The following MIB2 variants were observed in gnomAD, a reference collection of about 807,000 sequenced individuals.
The protein encoded by MIB2 is MIB E3 ubiquitin protein ligase 2.
MIB2 carries 78 observed loss-of-function variants against 96.6 expected under a neutral mutation model. The ratio of observed to expected loss-of-function variants is 0.81; its 90% confidence interval spans 0.67 to 0.97. MIB2 has a LOEUF of 0.97. Ranked by LOEUF, MIB2 falls within the 50% of genes least tolerant of loss-of-function variation. The pLI is 0.00. For synonymous variants in MIB2, 820 were observed against 629.5 expected (o/e 1.30, Z -4.53); for missense variants, 1,543 against 1,424.0 (o/e 1.08, Z -1.35).
rs762944243 is a variant in MIB2 at position 1,627,114 on chromosome 1, G to T, written c.1281G>T (p.Lys427Asn). The change falls in exon 11 of 20, where the codon AAG becomes AAT. Residue 427 changes from lysine to asparagine, a missense_variant. Coordinates refer to ENST00000355826, the MANE Select transcript of MIB2 (RefSeq NM_001170687.4). The part of the protein sequence containing the change: ...SVALDKLRAQ[K>N]SDPEHPGRLV... Reference sequence around the variant, plus strand: ...CCCTGGACAAGCTTCGGGCCCAGAAGAGTGACCCAGAGCACCCGGGAAGGC... The same window carrying T: ...CCCTGGACAAGCTTCGGGCCCAGAATAGTGACCCAGAGCACCCGGGAAGGC... 3 of 1,600,032 alleles carry T rather than the reference G, an allele frequency of 1.9e-6. No individual in the cohort carries two copies. Among genetic ancestry groups the T allele is most frequent in the Non-Finnish European group, 2.6e-6 (3 of 1,173,806 alleles).
intron 2 of MIB2, 68 bp from the exon 3 acceptor site, chr1:1,623,363 G>A: frequency 5.1e-6 from 8 of 1,575,652 alleles, no homozygotes; most frequent in Non-Finnish European, 6.9e-6. Flanking sequence ...GTCCCATGGT[G>A]GCCTGAGAAT....
rs550323587 is a variant in MIB2, at chr1:1,627,826, G to A, written c.1677G>A (p.Leu559=). The A allele has an allele frequency of 3.1e-6, 5 of 1,593,120 alleles. No individual in the cohort carries two copies. In the African/African-American group the frequency reaches 4.3e-5, roughly 14 times the overall value. The change falls in exon 13 of 20, where the codon CTG becomes CTA. Residue 559 remains leucine, a synonymous_variant. Coordinates refer to ENST00000355826, the MANE Select transcript of MIB2 (RefSeq NM_001170687.4). The part of the protein sequence containing the change: ...ALCERGCDVN[L]PDAHSDTPLH... Reference sequence around the variant, plus strand: ...GTGAGCGCGGCTGTGACGTCAACCTGCCCGTGAGTGCTGCTCCCTGGCCTG... The same window carrying A: ...GTGAGCGCGGCTGTGACGTCAACCTACCCGTGAGTGCTGCTCCCTGGCCTG...
chr1:1,623,346 C>T lies in MIB2; in HGVS notation c.-22-85C>T, dbSNP rs757089952. 3.9e-5 allele frequency: 60 copies of T among 1,541,398 alleles called. 1 individual carries two copies. Among genetic ancestry groups the T allele is most frequent in the African/African-American group, 9.8e-5 (7 of 71,470 alleles). On this transcript the variant is annotated intron_variant, in intron 2 of 19. Transcript: ENST00000355826. ...GCTCTCCCGCGGAGCCCACTCTGAC[C>T]GGGAGTGTCCCATGGTGGCCTGAGA...
At position 1,625,370 on chromosome 1, in the gene MIB2, C is replaced by A; in HGVS notation, c.806C>A (p.Thr269Asn). The A allele has an allele frequency of 6.3e-7, 1 of 1,589,534 alleles. No homozygotes were observed. Among genetic ancestry groups the A allele is most frequent in the Non-Finnish European group, 8.6e-7 (1 of 1,168,764 alleles). Reference protein sequence around the residue: ...HGDKVKCLLDTDVLREMQEGH... With the variant: ...HGDKVKCLLDNDVLREMQEGH... The stretch of plus-strand genomic sequence containing the variant: ...GACAAGGTCAAGTGTCTGCTGGACA[C>A]TGATGTCCTGCGGGAGATGCAGGAA... Residue 269 changes from threonine to asparagine, a missense_variant, in exon 7 of 20, where the codon ACT becomes AAT. Transcript: ENST00000355826. The surrounding 1 kb of genome is among the most constrained non-coding windows in gnomAD (Gnocchi z 5.0).
At position 1,629,392 on chromosome 1, in the gene MIB2, C is replaced by A; in HGVS notation, c.2389C>A (p.Gln797Lys). The A allele has an allele frequency of 1.4e-6, 2 of 1,444,370 alleles. No individual in the cohort carries two copies. The highest frequency in any genetic ancestry group is 1.8e-6 in the Non-Finnish European group (2 of 1,111,840). 89.5% of individuals were successfully genotyped at this position (1,444,370 alleles called of 1,614,324 possible). A position where few individuals can be genotyped will look rare whatever the true frequency, so the allele number is the denominator to read the frequency against. Residue 797 changes from glutamine to lysine, a missense_variant, in exon 18 of 20, where the codon CAG becomes AAG. Coordinates refer to ENST00000355826, the MANE Select transcript of MIB2 (RefSeq NM_001170687.4). ...QGCAQRFRER[Q>K]AGGGAAPGPR... ...CGCCTCCTCCCCCTGCAGGGAGCGGCAGGCGGGCGGGGGCGCGGCCCCGGG... is the reference window on the plus strand; with the variant it reads ...CGCCTCCTCCCCCTGCAGGGAGCGGAAGGCGGGCGGGGGCGCGGCCCCGGG...
rs369434147 is a variant in MIB2, at chr1:1,627,409, C to T, written c.1488C>T (p.Asp496=). The change falls in exon 12 of 20, where the codon GAC becomes GAT. Residue 496 remains aspartate (D), a synonymous_variant. Transcript: ENST00000355826. The part of the protein sequence containing the change: ...QARAGVDLPD[D]EGNTALHYAA... ...GGGCGGGCGTGGACCTGCCGGACGA[C>T]GAGGGCAACACGGCACTGCACTACG... The T allele has an allele frequency of 3.9e-5, 63 of 1,612,714 alleles. No homozygotes were observed. Among genetic ancestry groups the T allele is most frequent in the African/African-American group, 9.3e-5 (7 of 74,904 alleles).
chr1:1,624,612 TCA>T lies in MIB2; in HGVS notation c.420-180_420-179del, dbSNP rs1644563839. 1.2e-5 allele frequency: 8 copies of T among 668,812 alleles called. No homozygotes were observed. The South Asian group carries it at 1.4e-4, about 11-fold the overall frequency. 41.4% of individuals were successfully genotyped at this position (668,812 alleles called of 1,614,324 possible). A position where few individuals can be genotyped will look rare whatever the true frequency, so the allele number is the denominator to read the frequency against. On this transcript the variant is annotated intron_variant, in intron 4 of 19. Transcript: ENST00000355826. ...GGCCCCTGAGCCCAGGGGCATTTCC[TCA>T]CAGCGTGTGGAGGATGCTGACCTGC... is the stretch of plus-strand genomic sequence containing the variant.
intron 11 of MIB2, 37 bp downstream of exon 11, chr1:1,627,244 C>T (rs769584087): frequency 6.2e-7 from 1 of 1,612,600 alleles, no homozygotes; most frequent in Non-Finnish European, 8.5e-7. Context: ...ACTGGCCAGT[C>T]TGAGAGTGAG....
At chr1:1,627,556 G>A (rs1186029325) in intron 12 of MIB2, 112 bp downstream of exon 12, 3 of 1,473,414 alleles carry the variant, frequency 2.0e-6, no homozygotes, top group Non-Finnish European at 2.7e-6. Context: ...GGTGAGGCCT[G>A]GGAGGGGCCC....
At position 1,627,150 on chromosome 1, in the gene MIB2, G is replaced by A. The variant is rs116614106; in HGVS notation, c.1317G>A (p.Glu439=). Residue 439 remains glutamate (E), a synonymous_variant, in exon 11 of 20, where the codon GAG becomes GAA. Transcript: ENST00000355826. ...DPEHPGRLVV[E]VALGNAARAL... is the part of the protein sequence containing the mutation. ...AGCACCCGGGAAGGCTGGTGGTGGAGGTGGCGCTGGGTAACGCAGCCCGGG... is the reference window on the plus strand; with the variant it reads ...AGCACCCGGGAAGGCTGGTGGTGGAAGTGGCGCTGGGTAACGCAGCCCGGG... 3.8e-4 allele frequency: 603 copies of A among 1,592,034 alleles called. 4 individuals are homozygous for A. The African/African-American group carries it at 6.7e-3, about 18-fold the overall frequency.
intron 2 of MIB2, 125 bp downstream of exon 2, chr1:1,616,739 T>C (rs1280006177): frequency 2.3e-5 from 17 of 724,082 alleles, no homozygotes; most frequent in Non-Finnish European, 3.6e-5. Context: ...AGGGGAGTGG[T>C]GAGTAATCCC....
At position 1,629,240 on chromosome 1, in the gene MIB2, TCGGAGC is replaced by T; in HGVS notation, c.2312_2317del (p.Arg771_Ser772del). On this transcript the variant is annotated inframe_deletion, in exon 17 of 20. Coordinates refer to ENST00000355826, the MANE Select transcript of MIB2 (RefSeq NM_001170687.4). The stretch of plus-strand genomic sequence containing the variant: ...ACGTGAGCTACACCAACCACCGCGG[TCGGAGC>T]CCGCTGGACCTGGCCGCCGAGGGTC... The T allele has an allele frequency of 6.5e-7, 1 of 1,545,088 alleles. No homozygotes were observed. The highest frequency in any genetic ancestry group is 8.6e-7 in the Non-Finnish European group (1 of 1,156,428).
chr1:1,627,518 C>CCGG (rs1644910983), intron 12 of MIB2, 74 bp downstream of exon 12: 1 of 1,495,496 alleles, frequency 6.7e-7, no homozygotes, highest in Non-Finnish European at 8.8e-7. Flanking sequence ...AGGGGCCCGG[C>CCGG]CGGCGGGGCT....
chr1:1,616,590 G>C lies in MIB2; in HGVS notation c.-47G>C. Reference sequence around the variant, plus strand: ...CAGCCCAGGAGCCTCAAGGCGGCCCGGCGGGCGACTGGACGGCCGGACAGG... The same window carrying C: ...CAGCCCAGGAGCCTCAAGGCGGCCCCGCGGGCGACTGGACGGCCGGACAGG... On this transcript the variant is annotated 5_prime_UTR_variant, in exon 2 of 20. Transcript: ENST00000355826. 2.5e-6 allele frequency: 4 copies of C among 1,600,504 alleles called. No homozygotes were observed. Among genetic ancestry groups the C allele is most frequent in the Non-Finnish European group, 3.4e-6 (4 of 1,173,748 alleles).
rs554228836 is a variant in MIB2, at chr1:1,625,675, G to A, written c.972+22G>A. On this transcript the variant is annotated intron_variant, in intron 8 of 19. Coordinates refer to ENST00000355826, the MANE Select transcript of MIB2 (RefSeq NM_001170687.4). The surrounding 1 kb of genome is among the most constrained non-coding windows in gnomAD (Gnocchi z 5.0). Reference sequence around the variant, plus strand: ...CAAGGTGCCGGGGGGGCTGGGCTGCGCCTCATCTGCTTGCTTCTGTAACCC... The same window carrying A: ...CAAGGTGCCGGGGGGGCTGGGCTGCACCTCATCTGCTTGCTTCTGTAACCC... 52 of 1,538,082 alleles carry A rather than the reference G, an allele frequency of 3.4e-5. No individual in the cohort carries two copies. The highest frequency in any genetic ancestry group is 3.2e-4 in the East Asian group (13 of 40,810).
rs769859966 is a variant in MIB2 at position 1,627,829 on chromosome 1, C to T, written c.1680C>T (p.Pro560=). The change falls in exon 13 of 20, where the codon CCC becomes CCT. Residue 560 remains proline, a splice_region_variant and synonymous_variant. Transcript: ENST00000355826. ...AGCGCGGCTGTGACGTCAACCTGCC[C>T]GTGAGTGCTGCTCCCTGGCCTGGGT... ...LCERGCDVNL[P]DAHSDTPLHS... The T allele has an allele frequency of 1.7e-5, 27 of 1,593,054 alleles. No homozygotes were observed. The highest frequency in any genetic ancestry group is 1.7e-4 in the Middle Eastern group (1 of 5,848).
Position 1,629,436 on chromosome 1 carries a change from G to T in MIB2, c.2433G>T (p.Gly811=). Residue 811 remains glycine, a synonymous_variant, in exon 18 of 20, where the codon GGG becomes GGT. Coordinates refer to ENST00000355826, the MANE Select transcript of MIB2 (RefSeq NM_001170687.4). Reference sequence around the variant, plus strand: ...CCCCGGGCCCCAGGCAAACGCTCGGGACCCCCAACACCGTGACGAACCTGC... The same window carrying T: ...CCCCGGGCCCCAGGCAAACGCTCGGTACCCCCAACACCGTGACGAACCTGC... ...GAAPGPRQTL[G]TPNTVTNLHV... 4.0e-6 allele frequency: 6 copies of T among 1,510,430 alleles called. No homozygotes were observed. Among genetic ancestry groups the T allele is most frequent in the Non-Finnish European group, 5.3e-6 (6 of 1,137,652 alleles). 93.6% of individuals were successfully genotyped at this position (1,510,430 alleles called of 1,614,324 possible).
In MIB2 at chr1:1,628,700, G is replaced by T; in HGVS notation, c.2180G>T (p.Gly727Val). 6.4e-7 allele frequency: 1 copy of T among 1,556,518 alleles called. No homozygotes were observed. The highest frequency in any genetic ancestry group is 8.7e-7 in the Non-Finnish European group (1 of 1,151,592). Residue 727 changes from glycine to valine, a missense_variant, in exon 16 of 20, where the codon GGG becomes GTG. Coordinates refer to ENST00000355826, the MANE Select transcript of MIB2 (RefSeq NM_001170687.4). ...GCTGATGGGGCCGGGGGGGACCCAG[G>T]GCCCTTGCAGCTGCTGTCCAGGGTG... The part of the protein sequence containing the change: ...LVADGAGGDP[G>V]PLQLLSRLQA...
chr1:1,615,153 C>A, upstream of MIB2: 1 of 406,212 alleles, frequency 2.5e-6, no homozygotes, highest in Admixed American at 4.9e-5. Flanking sequence ...AGGACGGGCC[C>A]GGACTGCCGT....
Sources: allele counts gnomAD v4.1 joint callset, GRCh38; gene constraint gnomAD v4.1.1; non-coding constraint Gnocchi (gnomAD v3.1); transcripts MANE v1.5; gene names NCBI Gene and HGNC (gene_info 2026-07-23, HGNC 2026-07-21).